Variants in CNTLN observed in about 807,000 individuals in gnomAD.
CNTLN encodes the protein centlein, centrosomal protein.
CNTLN carries 212 observed loss-of-function variants against 180.0 expected under a neutral mutation model. The ratio of observed to expected loss-of-function variants is 1.18; its 90% CI spans 1.05 to 1.32. The LOEUF (loss-of-function observed/expected upper bound fraction) is 1.32, where lower values mean the gene tolerates loss of function less well. Ranked by LOEUF, CNTLN falls within the 40% of genes most tolerant of loss-of-function variation. CNTLN has a pLI of 0.00. For synonymous variants in CNTLN, 722 were observed against 563.1 expected, an observed-to-expected ratio of 1.28 and a Z score of -3.99; for missense variants, 2,095 against 1,610.9, an observed-to-expected ratio of 1.30 and a Z score of -5.14.
In CNTLN at chr9:17,236,439, G is replaced by C; in HGVS notation, c.700G>C (p.Glu234Gln). Residue 234 changes from glutamate (E) to glutamine (Q), a missense_variant, in exon 5 of 26, where the codon GAG (glutamate) becomes CAG (glutamine). Coordinates refer to ENST00000380647, the MANE Select transcript of CNTLN (RefSeq NM_017738.4). ...DTKECVQNKE[E>Q]QNRLVIKNLE... The stretch of plus-strand genomic sequence containing the variant: ...TAAGGAGTGTGTACAGAACAAAGAA[G>C]AGCAAAACAGACTAGTTATAAAAAA... 1.2e-6 allele frequency: 2 copies of C among 1,613,350 alleles called. No individual in the cohort carries two copies. Among genetic ancestry groups the C allele is most frequent in the Non-Finnish European group, 1.7e-6 (2 of 1,179,568 alleles).
intron 5 of CNTLN, among the ~76,000 whole-genome samples, chr9:17,267,449 T>G (rs2132447129): frequency 6.6e-6 from 1 of 152,286 alleles, no homozygotes; most frequent in African/African-American, 2.4e-5. Flanking sequence ...TAACCCGACC[T>G]TTCTCTCTGG....
intron 2 of CNTLN, among the ~76,000 whole-genome samples, chr9:17,193,202 C>T (rs1587084017): frequency 2.0e-5 from 3 of 152,106 alleles, no homozygotes; most frequent in Non-Finnish European, 2.9e-5. Context: ...CATTCCACCC[C>T]GGCCCCTCCG....
chr9:17,395,691 A>G (rs1826462232), intron 15 of CNTLN, among the ~76,000 whole-genome samples: 1 of 152,198 alleles, frequency 6.6e-6, no homozygotes, highest in Non-Finnish European at 1.5e-5. Flanking sequence ...AAAGATTCCT[A>G]GTCTTAAGAT....
intron 2 of CNTLN, among the ~76,000 whole-genome samples, chr9:17,209,637 C>G (rs376778304): frequency 2.6e-5 from 4 of 152,306 alleles, no homozygotes; most frequent in African/African-American, 9.6e-5. Flanking sequence ...GTTATAGCCT[C>G]TTGCCAAATT....
At chr9:17,295,543 C>A (rs10963012) in intron 6 of CNTLN, among the ~76,000 whole-genome samples, 2 of 151,794 alleles carry the variant, frequency 1.3e-5, no homozygotes, top group African/African-American at 4.8e-5. Context: ...AGAGAACTTG[C>A]ATACCTCAGT....
At chr9:17,512,895 C>A in the CNTLN span, among the ~76,000 whole-genome samples, 1 of 152,164 alleles carries the variant, frequency 6.6e-6, no homozygotes, top group South Asian at 2.1e-4. Context: ...CAGCTCACTG[C>A]AAGCTCCGCC....
chr9:17,344,812 A>G (rs1821754162), intron 12 of CNTLN, among the ~76,000 whole-genome samples: 2 of 152,156 alleles, frequency 1.3e-5, no homozygotes, highest in South Asian at 4.1e-4. Flanking sequence ...ATATATATAA[A>G]TTTGAGTAAC....
the CNTLN span, among the ~76,000 whole-genome samples, chr9:17,510,861 A>G: frequency 1.3e-5 from 2 of 152,232 alleles, no homozygotes; most frequent in Non-Finnish European, 2.9e-5. Context: ...TTGTATGAAC[A>G]TAAGTTTTCA....
the CNTLN span, among the ~76,000 whole-genome samples, chr9:17,524,588 C>T: frequency 6.6e-6 from 1 of 152,216 alleles, no homozygotes; most frequent in African/African-American, 2.4e-5. Context: ...ATGTCCCATT[C>T]AAGTTGACAC....
chr9:17,190,583 T>C (rs1821732020), intron 2 of CNTLN, among the ~76,000 whole-genome samples: 1 of 152,162 alleles, frequency 6.6e-6, no homozygotes, highest in Admixed American at 6.5e-5. Flanking sequence ...CCTAATGAAG[T>C]TGATTGACAG....
intron 2 of CNTLN, among the ~76,000 whole-genome samples, chr9:17,170,534 A>G (rs1294105271): frequency 6.6e-6 from 1 of 151,980 alleles, no homozygotes; most frequent in African/African-American, 2.4e-5. Context: ...CTAACTGGGT[A>G]ATTTCAAATT....
intron 6 of CNTLN, 78 bp downstream of exon 6, chr9:17,273,944 C>A: frequency 2.9e-6 from 3 of 1,042,572 alleles, no homozygotes; most frequent in Non-Finnish European, 4.2e-6. Flanking sequence ...ATACTTATTA[C>A]TAACACCCTA....
chr9:17,250,523 G>C (rs980922004), intron 5 of CNTLN, among the ~76,000 whole-genome samples: 1 of 151,332 alleles, frequency 6.6e-6, no homozygotes, highest in African/African-American at 2.4e-5. Flanking sequence ...TAATTTCTTT[G>C]TGCTTACCAT....
intron 5 of CNTLN, among the ~76,000 whole-genome samples, chr9:17,259,891 G>A (rs1162893426): frequency 1.3e-4 from 18 of 133,952 alleles, no homozygotes; most frequent in Admixed American, 5.1e-4. Flanking sequence ...TCTTGCTAGC[G>A]GTCTATCTAT....
chr9:17,196,682 GTAA>G (rs1227646974), intron 2 of CNTLN, among the ~76,000 whole-genome samples: 4 of 150,456 alleles, frequency 2.7e-5, no homozygotes, highest in African/African-American at 9.7e-5. Context: ...TATTTTATAT[GTAA>G]TAATACATTT....
chr9:17,140,143 G>GGA (rs1231580810), intron 1 of CNTLN, among the ~76,000 whole-genome samples: 1 of 152,060 alleles, frequency 6.6e-6, no homozygotes, highest in Non-Finnish European at 1.5e-5. Flanking sequence ...TTCGGGGGGG[G>GGA]ACTTTATTTT....
At chr9:17,191,685 T>G (rs1335959027) in intron 2 of CNTLN, among the ~76,000 whole-genome samples, 1 of 152,236 alleles carries the variant, frequency 6.6e-6, no homozygotes, top group African/African-American at 2.4e-5. Context: ...AGAGGCTTCA[T>G]GGAAAATTAT....
intron 8 of CNTLN, among the ~76,000 whole-genome samples, chr9:17,314,942 C>G (rs1236133188): frequency 6.6e-6 from 1 of 152,152 alleles, no homozygotes. Flanking sequence ...ATGCAGTGAA[C>G]TTAATAGACT....
chr9:17,217,377 G>T (rs1242438079), intron 2 of CNTLN, among the ~76,000 whole-genome samples: 1 of 152,240 alleles, frequency 6.6e-6, no homozygotes, highest in East Asian at 1.9e-4. Context: ...CAGCTTGCAT[G>T]TGTGCATATC....
Sources: allele counts gnomAD v4.1 joint callset (sites outside exome capture counted in the v4.1 genomes callset), GRCh38; gene constraint gnomAD v4.1.1; transcripts MANE v1.5; gene names NCBI Gene and HGNC (gene_info 2026-07-23, HGNC 2026-07-21).